The following SDK1 variants were observed in gnomAD, a reference collection of about 807,000 sequenced individuals.
SDK1 encodes the protein sidekick cell adhesion molecule 1, also known as protein sidekick-1.
In SDK1, 157 loss-of-function variants were observed where a neutral mutation model predicts 245.5. The observed-to-expected ratio is 0.64, with a 90% CI of 0.56 to 0.73. SDK1 has a LOEUF of 0.73. SDK1 is among the 30% of genes least tolerant of loss of function. SDK1 has a pLI of 0.00. For synonymous variants in SDK1, 1,647 were observed against 1,278.5 expected, an observed-to-expected ratio of 1.29 and a Z score of -6.15; for missense variants, 3,583 against 3,002.3, an observed-to-expected ratio of 1.19 and a Z score of -4.52.
intron 1 of SDK1, among the ~76,000 whole-genome samples, chr7:3,429,919 T>A (rs17133334): frequency 0.16 from 23,764 of 152,194 alleles, 2,741 homozygotes; most frequent in East Asian, 0.42. Flanking sequence ...CACATAGAGA[T>A]GTGCATGTAA....
intron 4 of SDK1, among the ~76,000 whole-genome samples, chr7:3,704,839 T>C (rs535049406): frequency 2.4e-4 from 36 of 152,340 alleles, no homozygotes; most frequent in Non-Finnish European, 4.1e-4. Context: ...ATTTAAGTCT[T>C]TCACCATCTT....
intron 1 of SDK1, among the ~76,000 whole-genome samples, chr7:3,562,565 G>T (rs1779781425): frequency 6.6e-6 from 1 of 152,206 alleles, no homozygotes; most frequent in South Asian, 2.1e-4. Context: ...TAGACGGGTA[G>T]CTGCAGCCTG....
rs1201858706 is a variant in SDK1 at position 4,042,398 on chromosome 7, C to CG, written c.2603-6945dup. On this transcript the variant is annotated intron_variant, in intron 17 of 44. Coordinates refer to ENST00000404826, the MANE Select transcript of SDK1 (RefSeq NM_152744.4). ...TCACCTGTGATTATTCCCTGAGTGTCGGGGGCTTCAGGACAGAAGACTTTG... is the reference window on the plus strand; with the variant it reads ...TCACCTGTGATTATTCCCTGAGTGTCGGGGGGCTTCAGGACAGAAGACTTTG... Among the ~76,000 whole-genome samples, 70 of 136,702 alleles carry CG rather than the reference C, an allele frequency of 5.1e-4. 4 individuals carry two copies. Among genetic ancestry groups the CG allele is most frequent in the Non-Finnish European group, 8.2e-4 (54 of 65,992 alleles). The allele number at this position is 136,702 out of a possible 152,430, so 89.7% of individuals were successfully genotyped here.
chr7:3,311,742 A>G (rs1779555386), intron 1 of SDK1, among the ~76,000 whole-genome samples: 1 of 152,206 alleles, frequency 6.6e-6, no homozygotes, highest in Admixed American at 6.5e-5. Flanking sequence ...TGCTATAAAC[A>G]CACAGAAACT....
At chr7:4,103,750 A>G (rs1353779589) in intron 22 of SDK1, among the ~76,000 whole-genome samples, 1 of 152,238 alleles carries the variant, frequency 6.6e-6, no homozygotes, top group Non-Finnish European at 1.5e-5. Flanking sequence ...CAAGTCCACA[A>G]GCAGCCAGAA....
At chr7:3,627,652 T>G (rs992050060) in intron 2 of SDK1, among the ~76,000 whole-genome samples, 1 of 152,216 alleles carries the variant, frequency 6.6e-6, no homozygotes, top group Non-Finnish European at 1.5e-5. Flanking sequence ...CTAGATTAGC[T>G]TTGGTGAGGA....
chr7:4,139,369 A>G (rs1423352425), intron 28 of SDK1, among the ~76,000 whole-genome samples: 7 of 151,730 alleles, frequency 4.6e-5, no homozygotes. Context: ...ACAACTATAT[A>G]TGTGTGTATA....
intron 35 of SDK1, among the ~76,000 whole-genome samples, chr7:4,194,791 T>G (rs1458665042): frequency 6.6e-6 from 1 of 152,200 alleles, no homozygotes. Flanking sequence ...TGTTAATCTC[T>G]TTTGGCAACA....
intron 1 of SDK1, among the ~76,000 whole-genome samples, chr7:3,342,778 A>G (rs1380237761): frequency 6.6e-6 from 1 of 152,192 alleles, no homozygotes; most frequent in Non-Finnish European, 1.5e-5. Flanking sequence ...AAATATTTTC[A>G]TCTGTCTGCC....
At chr7:3,727,557 C>A (rs368766250) in intron 4 of SDK1, among the ~76,000 whole-genome samples, 18 of 152,252 alleles carry the variant, frequency 1.2e-4, no homozygotes, top group African/African-American at 3.6e-4. Context: ...GTGGCGCCAT[C>A]TTGGCTCATG....
chr7:4,058,777 A>G (rs1010283298), intron 19 of SDK1, among the ~76,000 whole-genome samples: 1 of 152,224 alleles, frequency 6.6e-6, no homozygotes, highest in African/African-American at 2.4e-5. Context: ...TGAAAGAGAA[A>G]TAAAGTATTT....
chr7:3,603,035 A>G (rs924733573), intron 1 of SDK1, among the ~76,000 whole-genome samples: 6 of 151,968 alleles, frequency 3.9e-5, no homozygotes, highest in Admixed American at 3.3e-4. Flanking sequence ...TGTTCCATTG[A>G]TCTATATCTC....
intron 1 of SDK1, among the ~76,000 whole-genome samples, chr7:3,439,447 T>C (rs1780129626): frequency 6.6e-6 from 1 of 152,118 alleles, no homozygotes. Context: ...TGTTAGATTG[T>C]TTCGGGTTTG....
At chr7:3,466,726 A>T (rs1781013135) in intron 1 of SDK1, among the ~76,000 whole-genome samples, 7 of 151,688 alleles carry the variant, frequency 4.6e-5, no homozygotes, top group Admixed American at 4.6e-4. Flanking sequence ...TATTTATACG[A>T]TTATGATAAT....
At chr7:3,998,535 A>C (rs569018346) in intron 14 of SDK1, among the ~76,000 whole-genome samples, 1 of 152,218 alleles carries the variant, frequency 6.6e-6, no homozygotes, top group Non-Finnish European at 1.5e-5. Context: ...CAGAAGATCA[A>C]TACGCTTCAG....
intron 4 of SDK1, among the ~76,000 whole-genome samples, chr7:3,674,325 G>A (rs927453846): frequency 4.6e-5 from 7 of 152,046 alleles, no homozygotes; most frequent in African/African-American, 1.7e-4. Context: ...GAAGGAAGGA[G>A]GGCATCTACC....
chr7:3,368,755 C>G (rs2128562698), intron 1 of SDK1, among the ~76,000 whole-genome samples: 1 of 152,290 alleles, frequency 6.6e-6, no homozygotes, highest in East Asian at 1.9e-4. Flanking sequence ...ACCTCCTGGG[C>G]TGGTAGGAGG....
chr7:3,487,157 C>A (rs965403998), intron 1 of SDK1, among the ~76,000 whole-genome samples: 1 of 152,086 alleles, frequency 6.6e-6, no homozygotes, highest in Non-Finnish European at 1.5e-5. Flanking sequence ...TAGAATTGGC[C>A]CACTGGTCTT....
chr7:3,541,773 C>T (rs576113336), intron 1 of SDK1, among the ~76,000 whole-genome samples: 1 of 152,148 alleles, frequency 6.6e-6, no homozygotes, highest in African/African-American at 2.4e-5. Flanking sequence ...GACATCACCC[C>T]AATGCATGAC....
Sources: allele counts gnomAD v4.1 joint callset (sites outside exome capture counted in the v4.1 genomes callset), GRCh38; gene constraint gnomAD v4.1.1; transcripts MANE v1.5; gene names NCBI Gene and HGNC (gene_info 2026-07-23, HGNC 2026-07-21).